Variants in PARK7 observed in about 807,000 individuals in gnomAD.
PARK7 encodes Parkinson disease protein 7.
In PARK7, 14 loss-of-function variants were observed where a neutral mutation model predicts 20.5. The ratio of observed to expected loss-of-function variants is 0.68; its 90% CI spans 0.45 to 1.07. PARK7 has a LOEUF of 1.07. Ranked by LOEUF, PARK7 falls within the 50% of genes least tolerant of loss-of-function variation. The pLI is 0.00. For missense variants in PARK7, 234 were observed against 238.1 expected, an observed-to-expected ratio of 0.98 and a Z score of 0.11; for synonymous variants, 98 against 84.3, an observed-to-expected ratio of 1.16 and a Z score of -0.89.
intron 4 of PARK7, among the ~76,000 whole-genome samples, chr1:7,969,738 C>T (rs1263018584): frequency 6.6e-6 from 1 of 152,026 alleles, no homozygotes; most frequent in African/African-American, 2.4e-5. Flanking sequence ...CACCCCCATG[C>T]CCTGCTAATT....
At chr1:7,971,028 G>A in intron 5 of PARK7, 65 bp downstream of exon 5, 1 of 1,536,720 alleles carries the variant, frequency 6.5e-7, no homozygotes, top group Non-Finnish European at 9.0e-7. Flanking sequence ...TCATTCGATG[G>A]TTTGATTCCA....
At chr1:7,973,033 C>A (rs942537315) in intron 5 of PARK7, among the ~76,000 whole-genome samples, 1 of 151,928 alleles carries the variant, frequency 6.6e-6, no homozygotes, top group African/African-American at 2.4e-5. Flanking sequence ...CTGGGTGACA[C>A]AGCAAGACTG....
At chr1:7,976,856 G>T (rs1640593574) in intron 5 of PARK7, among the ~76,000 whole-genome samples, 1 of 152,158 alleles carries the variant, frequency 6.6e-6, no homozygotes, top group Non-Finnish European at 1.5e-5. Context: ...GAGTAGCTGG[G>T]ACTACAGGCG....
intron 6 of PARK7, among the ~76,000 whole-genome samples, chr1:7,978,315 A>G (rs570276120): frequency 6.6e-6 from 1 of 150,492 alleles, no homozygotes; most frequent in Non-Finnish European, 1.5e-5. Flanking sequence ...TGACCTTGTG[A>G]TCTGCCTGCC....
In PARK7 at chr1:7,970,939, G is replaced by A. The variant is rs200696147; in HGVS notation, c.298G>A (p.Gly100Ser). The A allele has an allele frequency of 6.2e-7, 1 of 1,614,188 alleles. No homozygotes were observed. The highest frequency in any genetic ancestry group is 1.3e-5 in the African/African-American group (1 of 75,048). ...EILKEQENRK[G>S]LIAAICAGPT... ...ACTGAAGGAGCAGGAAAACCGGAAG[G>A]GCCTGATAGCCGCCATCTGTGCAGG... The change falls in exon 5 of 7, where the codon GGC becomes AGC. Residue 100 changes from glycine (G) to serine (S), a missense_variant. Gly to Ser is a moderately conservative substitution (Grantham distance 56). Transcript: ENST00000338639.
chr1:7,971,150 C>A, intron 5 of PARK7, 187 bp downstream of exon 5: 1 of 681,632 alleles, frequency 1.5e-6, no homozygotes, highest in Non-Finnish European at 2.6e-6. Context: ...CTGTTTTCTG[C>A]CTCTCCATGC....
intron 2 of PARK7, among the ~76,000 whole-genome samples, chr1:7,964,398 CTG>C (rs1287926994): frequency 2.0e-5 from 3 of 152,218 alleles, no homozygotes; most frequent in Admixed American, 6.5e-5. Flanking sequence ...GCCCCAGAGT[CTG>C]TTAACCCTAT....
chr1:7,981,851 G>A (rs1049943036), intron 6 of PARK7, among the ~76,000 whole-genome samples: 4 of 151,702 alleles, frequency 2.6e-5, no homozygotes, highest in Admixed American at 1.3e-4. Flanking sequence ...GTAGAGACGG[G>A]GTTTCATCGT....
At chr1:7,971,528 A>G (rs1640464936) in intron 5 of PARK7, 1 of 156,272 alleles carries the variant, frequency 6.4e-6, no homozygotes, top group Non-Finnish European at 1.4e-5. Context: ...TCTCATAACC[A>G]TTTTAAGATC....
intron 6 of PARK7, among the ~76,000 whole-genome samples, chr1:7,979,286 T>C (rs1392703752): frequency 6.6e-6 from 1 of 152,160 alleles, no homozygotes; most frequent in East Asian, 1.9e-4. Context: ...CAAATTCCCG[T>C]CTACCTTGAC....
chr1:7,969,440 T>A, intron 4 of PARK7, 36 bp downstream of exon 4: 13 of 790,024 alleles, frequency 1.6e-5, no homozygotes, highest in Middle Eastern at 2.9e-4. Flanking sequence ...TCAATAAAGC[T>A]GGGGGGGGGG....
chr1:7,970,863 C>CT, intron 4 of PARK7, 31 bp from the exon 5 acceptor site: 1 of 1,611,312 alleles, frequency 6.2e-7, no homozygotes, highest in Middle Eastern at 1.7e-4. Flanking sequence ...TTAATGATAA[C>CT]TTTATGTATT....
intron 5 of PARK7, among the ~76,000 whole-genome samples, chr1:7,974,068 G>A (rs533135596): frequency 6.6e-6 from 1 of 151,954 alleles, no homozygotes; most frequent in East Asian, 1.9e-4. Context: ...CTAGCACTTT[G>A]GGAGACTGAG....
chr1:7,963,539 G>A (rs1488465273), intron 2 of PARK7, among the ~76,000 whole-genome samples: 2 of 151,628 alleles, frequency 1.3e-5, no homozygotes, highest in East Asian at 1.9e-4. Flanking sequence ...CACCACGCCC[G>A]GCTAATTGTA....
At chr1:7,976,547 T>C (rs1224215985) in intron 5 of PARK7, among the ~76,000 whole-genome samples, 1 of 152,124 alleles carries the variant, frequency 6.6e-6, no homozygotes, top group African/African-American at 2.4e-5. Context: ...TTCCATGTGG[T>C]TCTTTGCTTA....
At chr1:7,963,345 G>GT (rs1042289601) in intron 2 of PARK7, among the ~76,000 whole-genome samples, 1 of 151,228 alleles carries the variant, frequency 6.6e-6, no homozygotes, top group Non-Finnish European at 1.5e-5. Flanking sequence ...GACTACAGGC[G>GT]TGAGCCACTG....
In PARK7 at chr1:7,970,940, G is replaced by T. The variant is rs199529022; in HGVS notation, c.299G>T (p.Gly100Val). ...EILKEQENRK[G>V]LIAAICAGPT... The stretch of plus-strand genomic sequence containing the variant: ...CTGAAGGAGCAGGAAAACCGGAAGG[G>T]CCTGATAGCCGCCATCTGTGCAGGT... Residue 100 changes from glycine to valine, a missense_variant, in exon 5 of 7, where the codon GGC becomes GTC. Transcript: ENST00000338639. The T allele has an allele frequency of 6.2e-7, 1 of 1,614,200 alleles. No individual in the cohort carries two copies. Among genetic ancestry groups the T allele is most frequent in the East Asian group, 2.2e-5 (1 of 44,884 alleles).
At chr1:7,976,236 T>C (rs1640581714) in intron 5 of PARK7, among the ~76,000 whole-genome samples, 1 of 152,198 alleles carries the variant, frequency 6.6e-6, no homozygotes, top group African/African-American at 2.4e-5. Context: ...GCACCTTAAG[T>C]GTTTCCAAGA....
chr1:7,978,309 C>T (rs2151436893), intron 6 of PARK7, among the ~76,000 whole-genome samples: 1 of 151,880 alleles, frequency 6.6e-6, no homozygotes, highest in East Asian at 1.9e-4. Context: ...AACTCTTGAC[C>T]TTGTGATCTG....
Sources: gnomAD v4.1 joint callset for allele counts (sites outside exome capture counted in the v4.1 genomes callset) on GRCh38, gnomAD v4.1.1 for gene constraint, MANE v1.5 for transcripts, NCBI Gene and HGNC (gene_info 2026-07-23, HGNC 2026-07-21) for gene names.